GLP1R: variants seen among roughly 807,000 people sequenced by gnomAD.
The protein encoded by GLP1R is glucagon like peptide 1 receptor.
Under a neutral mutation model 68.4 loss-of-function variants are expected in GLP1R, and 32 were observed. The ratio of observed to expected loss-of-function variants is 0.47; its 90% confidence interval spans 0.35 to 0.63. GLP1R has a LOEUF of 0.63. GLP1R is among the 20% of genes least tolerant of loss of function. The probability of loss-of-function intolerance (pLI) is 0.00; values close to 1 mark genes in which losing one functional copy is unlikely to be tolerated. For synonymous variants in GLP1R, 263 were observed against 244.4 expected, an observed-to-expected ratio of 1.08 and a Z score of -0.71; for missense variants, 502 against 594.9, an observed-to-expected ratio of 0.84 and a Z score of 1.62.
intron 1 of GLP1R, among the ~76,000 whole-genome samples, chr6:39,054,886 G>T (rs1228079950): frequency 6.6e-6 from 1 of 152,256 alleles, no homozygotes; most frequent in Non-Finnish European, 1.5e-5. Context: ...GACTTGCTCT[G>T]ATGAAAACTG....
At chr6:39,072,659 G>A (rs1239527639) in intron 5 of GLP1R, among the ~76,000 whole-genome samples, 2 of 152,172 alleles carry the variant, frequency 1.3e-5, no homozygotes, top group African/African-American at 4.8e-5. Context: ...ACTACATAGC[G>A]GAAGCCTTCA....
At chr6:39,060,953 C>CTCA (rs2150824524) in intron 3 of GLP1R, among the ~76,000 whole-genome samples, 1 of 152,266 alleles carries the variant, frequency 6.6e-6, no homozygotes, top group African/African-American at 2.4e-5. Context: ...CAGAGCCACC[C>CTCA]CTTCTGCCAG....
At position 39,079,225 on chromosome 6, in the gene GLP1R, T is replaced by G. The variant is rs186153401; in HGVS notation, c.1043+25T>G. On this transcript the variant is annotated intron_variant, in intron 10 of 12. Coordinates refer to ENST00000373256, the MANE Select transcript of GLP1R (RefSeq NM_002062.5). The surrounding 1 kb of genome is among the most constrained non-coding windows in gnomAD (Gnocchi z 4.5). The stretch of plus-strand genomic sequence containing the variant: ...GGTGATGTAACTGAGCTGGCTTTAC[T>G]GAGGACCCTCAGCAAGTGCCCCTTT... The G allele has an allele frequency of 6.6e-7, 1 of 1,516,252 alleles. No homozygotes were observed. Among genetic ancestry groups the G allele is most frequent in the African/African-American group, 1.4e-5 (1 of 73,056 alleles). The allele number at this position is 1,516,252 out of a possible 1,614,324, so 93.9% of individuals were successfully genotyped here.
At chr6:39,078,405 G>A (rs1428342915) in intron 8 of GLP1R, 23 bp downstream of exon 8, 2 of 1,571,002 alleles carry the variant, frequency 1.3e-6, no homozygotes, top group African/African-American at 1.3e-5. Flanking sequence ...CTCCAAGGGG[G>A]CGGGTGTGCC....
intron 1 of GLP1R, among the ~76,000 whole-genome samples, chr6:39,055,203 C>A (rs768902842): frequency 1.6e-4 from 24 of 152,132 alleles, no homozygotes; most frequent in Non-Finnish European, 3.2e-4. Flanking sequence ...GTGCCCAGCA[C>A]GCTACAAGGC....
intron 1 of GLP1R, among the ~76,000 whole-genome samples, chr6:39,055,922 G>C (rs796443865): frequency 1.8e-4 from 27 of 152,216 alleles, no homozygotes; most frequent in African/African-American, 6.0e-4. Flanking sequence ...TGGGGGGGCT[G>C]TGCACCCTTG....
chr6:39,078,463 C>T, intron 8 of GLP1R, 81 bp downstream of exon 8: 1 of 978,976 alleles, frequency 1.0e-6, no homozygotes, highest in Non-Finnish European at 1.7e-6. Context: ...ACCTGGGGCA[C>T]CCATCTGTTG....
chr6:39,059,561 T>A (rs2150823656), intron 3 of GLP1R, among the ~76,000 whole-genome samples: 1 of 152,272 alleles, frequency 6.6e-6, no homozygotes, highest in East Asian at 1.9e-4. Context: ...AGGAGCAAGT[T>A]GCCAGACCTC....
chr6:39,058,301 T>A (rs1051660623), intron 3 of GLP1R, among the ~76,000 whole-genome samples: 3 of 152,130 alleles, frequency 2.0e-5, no homozygotes, highest in African/African-American at 7.2e-5. Context: ...AGCTACTTCC[T>A]CACTCTTTAG....
In GLP1R at chr6:39,054,406, G is replaced by A. The variant is rs117744266; in HGVS notation, c.79-1991G>A. 4.4e-3 allele frequency among the ~76,000 whole-genome samples: 672 copies of A among 152,184 alleles called. 11 individuals carry two copies. The East Asian group carries it at 0.053, about 12-fold the overall frequency. On this transcript the variant is annotated intron_variant, in intron 1 of 12. Transcript: ENST00000373256. ...AAGCCCTGATCTGGTGTAGGGAGGG[G>A]ACAAGATACTCTTACTGTCAGGAAT...
chr6:39,073,001 C>T lies in GLP1R; in HGVS notation c.649C>T (p.Leu217Phe). ...TAAQQHQWDG[L>F]LSYQDSLSCR... ...CGCCCAGCAGCACCAGTGGGATGGG[C>T]TCCTCTCCTACCAGGTGTGTGGTGC... The change falls in exon 6 of 13, where the codon CTC (leucine) becomes TTC (phenylalanine). Residue 217 changes from leucine to phenylalanine, a missense_variant. Physicochemically the swap from Leu to Phe is conservative, Grantham distance 22. Transcript: ENST00000373256. 1 of 1,613,962 alleles carries T rather than the reference C, an allele frequency of 6.2e-7. No homozygotes were observed. Among genetic ancestry groups the T allele is most frequent in the Non-Finnish European group, 8.5e-7 (1 of 1,179,926 alleles).
At chr6:39,078,485 G>T (rs1220275252) in intron 8 of GLP1R, 103 bp downstream of exon 8, 9 of 822,152 alleles carry the variant, frequency 1.1e-5, no homozygotes, top group Non-Finnish European at 1.9e-5. Flanking sequence ...GAGGATAAAG[G>T]GGGGTACCAG....
chr6:39,057,914 G>A (rs1214849438), intron 3 of GLP1R, among the ~76,000 whole-genome samples: 2 of 152,138 alleles, frequency 1.3e-5, no homozygotes, highest in African/African-American at 4.8e-5. Flanking sequence ...ACCGTCCCCT[G>A]TATCGAGGAG....
chr6:39,076,074 A>AC (rs1768817757), intron 7 of GLP1R, among the ~76,000 whole-genome samples: 1 of 152,244 alleles, frequency 6.6e-6, no homozygotes, highest in Non-Finnish European at 1.5e-5. Context: ...GGAAATGCTG[A>AC]CGATGAGTGA....
chr6:39,075,223 C>T (rs1405647857), intron 7 of GLP1R, among the ~76,000 whole-genome samples: 1 of 152,246 alleles, frequency 6.6e-6, no homozygotes, highest in East Asian at 1.9e-4. Context: ...CACCTGCCTC[C>T]TCCACTCCCA....
intron 3 of GLP1R, among the ~76,000 whole-genome samples, chr6:39,063,743 AC>A (rs1337933837): frequency 4.6e-5 from 7 of 152,122 alleles, no homozygotes; most frequent in Non-Finnish European, 7.4e-5. Context: ...GGCCTTGCTG[AC>A]AGTGCTGGAA....
rs746819294 is a variant in GLP1R, at chr6:39,048,873, G to C, written c.33G>C (p.Ala11=). 2.4e-5 allele frequency: 36 copies of C among 1,495,800 alleles called. No homozygotes were observed. The highest frequency in any genetic ancestry group is 3.1e-5 in the Non-Finnish European group (35 of 1,129,360). 92.7% of individuals were successfully genotyped at this position (1,495,800 alleles called of 1,614,324 possible). MAGAPGPLRL[A]LLLLGMVGRA... is the part of the protein sequence containing the mutation. ...GCGCCCCCGGCCCGCTGCGCCTTGC[G>C]CTGCTGCTGCTCGGGATGGTGGGCA... Residue 11 remains alanine (A), a synonymous_variant, in exon 1 of 13, where the codon GCG becomes GCC. Coordinates refer to ENST00000373256, the MANE Select transcript of GLP1R (RefSeq NM_002062.5).
At chr6:39,059,146 C>T (rs993247768) in intron 3 of GLP1R, among the ~76,000 whole-genome samples, 2 of 152,238 alleles carry the variant, frequency 1.3e-5, no homozygotes, top group African/African-American at 4.8e-5. Context: ...GAGGCAGGAG[C>T]CTGGGCCCAT....
At chr6:39,073,529 G>C (rs756841431) in intron 6 of GLP1R, 81 bp from the exon 7 acceptor site, 4 of 1,223,044 alleles carry the variant, frequency 3.3e-6, no homozygotes, top group South Asian at 1.3e-5. Context: ...CAGGATAGTG[G>C]CTGGAGCAGG....
Sources: gnomAD v4.1 joint callset for allele counts (sites outside exome capture counted in the v4.1 genomes callset) on GRCh38, gnomAD v4.1.1 for gene constraint, Gnocchi (gnomAD v3.1) non-coding constraint, MANE v1.5 for transcripts, NCBI Gene and HGNC (gene_info 2026-07-23, HGNC 2026-07-21) for gene names.